ITM2B: variants seen among roughly 807,000 people sequenced by gnomAD.
The protein encoded by ITM2B is integral membrane protein 2B, also known as ABri/ADan amyloid peptide.
In ITM2B, 11 loss-of-function variants were observed where a neutral mutation model predicts 27.8. The observed-to-expected ratio is 0.40, with a 90% CI of 0.25 to 0.66. The LOEUF is 0.66. Ranked by LOEUF, ITM2B falls within the 30% of genes least tolerant of loss-of-function variation. The pLI, the probability that ITM2B is intolerant of heterozygous loss-of-function variation, is 0.43. For missense variants in ITM2B, 296 were observed against 328.9 expected (o/e 0.90, Z 0.77); for synonymous variants, 114 against 114.3 (o/e 1.00, Z 0.02).
chr13:48,253,848 G>A lies in ITM2B; in HGVS notation c.158G>A (p.Trp53Ter). 1 of 1,613,732 alleles carries A rather than the reference G, an allele frequency of 6.2e-7. No homozygotes were observed. The highest frequency in any genetic ancestry group is 8.5e-7 in the Non-Finnish European group (1 of 1,179,652). Residue 53 changes from tryptophan to a stop codon, truncating the protein, a stop_gained, in exon 2 of 6, where the codon TGG (tryptophan) becomes TAG (stop). Coordinates refer to ENST00000647800, the MANE Select transcript of ITM2B (RefSeq NM_021999.5). LOFTEE classifies it high-confidence loss of function. ...DVVPVGQRRA[W>*]CWCMCFGLAF... ...GTACCAGTTGGCCAAAGAAGAGCCT[G>A]GTGTTGGTGCATGTGCTTTGGACTA...
chr13:48,251,294 A>G (rs1156674523), intron 1 of ITM2B, among the ~76,000 whole-genome samples: 3 of 152,184 alleles, frequency 2.0e-5, no homozygotes, highest in African/African-American at 7.2e-5. Flanking sequence ...TGAGGTAATG[A>G]GTATTTGTCC....
In ITM2B at chr13:48,267,355, T is replaced by C. The variant is rs1413848533; in HGVS notation, c.*6131T>C. The C allele has an allele frequency of 6.6e-6, 1 of 152,206 alleles. No homozygotes were observed. The highest frequency in any genetic ancestry group is 6.6e-5 in the Admixed American group (1 of 15,256). 9.4% of individuals were successfully genotyped at this position (152,206 alleles called of 1,614,324 possible). A position where few individuals can be genotyped will look rare whatever the true frequency, so the allele number is the denominator to read the frequency against. On this transcript the variant is annotated 3_prime_UTR_variant, in exon 6 of 6. Coordinates refer to ENST00000647800, the MANE Select transcript of ITM2B (RefSeq NM_021999.5). ...TAATCAACTCCAGGGAACATTACAC[T>C]TTATTTAACCCCTAATTATCTGATA...
chr13:48,261,059 AAAT>A, intron 5 of ITM2B, 77 bp from the exon 6 acceptor site: 1 of 940,416 alleles, frequency 1.1e-6, no homozygotes, highest in Non-Finnish European at 1.7e-6. Context: ...CTATATGTCT[AAAT>A]AATAACTATA....
At chr13:48,250,428 G>A (rs959718333) in intron 1 of ITM2B, among the ~76,000 whole-genome samples, 14 of 152,012 alleles carry the variant, frequency 9.2e-5, no homozygotes, top group Non-Finnish European at 1.5e-5. Flanking sequence ...GACCATCCTG[G>A]CTACACGGTG....
At chr13:48,235,067 T>C (rs1409688675) in intron 1 of ITM2B, among the ~76,000 whole-genome samples, 1 of 152,092 alleles carries the variant, frequency 6.6e-6, no homozygotes, top group Non-Finnish European at 1.5e-5. Flanking sequence ...ATATAACTGC[T>C]CCCATTTAGA....
intron 1 of ITM2B, among the ~76,000 whole-genome samples, chr13:48,251,322 G>A (rs1033632090): frequency 1.3e-5 from 2 of 152,142 alleles, no homozygotes; most frequent in African/African-American, 4.8e-5. Context: ...TTCCACTAAA[G>A]TATTTTCTCC....
chr13:48,256,449 A>C (rs923341920), intron 3 of ITM2B, 66 bp downstream of exon 3: 2 of 1,203,310 alleles, frequency 1.7e-6, no homozygotes, highest in Non-Finnish European at 2.4e-6. Context: ...TTGTAGTTTT[A>C]ATTTCAATAT....
rs1228020542 is a variant in ITM2B at position 48,268,698 on chromosome 13, G to T, written c.*7474G>T. The T allele has an allele frequency of 6.6e-6, 1 of 152,134 alleles. No homozygotes were observed. Among genetic ancestry groups the T allele is most frequent in the Non-Finnish European group, 1.5e-5 (1 of 68,024 alleles). 9.4% of individuals were successfully genotyped at this position (152,134 alleles called of 1,614,324 possible). The stretch of plus-strand genomic sequence containing the variant: ...TTCCAAGTTGGGAAGTATGAATAAA[G>T]TTGCTATGAACATGCATGTACAAGT... On this transcript the variant is annotated 3_prime_UTR_variant, in exon 6 of 6. Transcript: ENST00000647800.
At chr13:48,251,054 G>A (rs950916475) in intron 1 of ITM2B, among the ~76,000 whole-genome samples, 5 of 152,336 alleles carry the variant, frequency 3.3e-5, no homozygotes, top group Admixed American at 3.3e-4. Context: ...ATTCAATAGT[G>A]CTGAGAAGTG....
At chr13:48,236,810 TTA>T (rs1284907406) in intron 1 of ITM2B, among the ~76,000 whole-genome samples, 5 of 152,220 alleles carry the variant, frequency 3.3e-5, no homozygotes, top group African/African-American at 1.2e-4. Context: ...ACAGAATAGC[TTA>T]AGCTTGCTTC....
At chr13:48,252,443 G>A (rs1191132771) in intron 1 of ITM2B, among the ~76,000 whole-genome samples, 3 of 152,124 alleles carry the variant, frequency 2.0e-5, no homozygotes, top group East Asian at 1.9e-4. Flanking sequence ...TCTTAGGAGC[G>A]CAAACCCTAT....
At chr13:48,259,490 A>G (rs1951809688) in intron 5 of ITM2B, among the ~76,000 whole-genome samples, 1 of 152,112 alleles carries the variant, frequency 6.6e-6, no homozygotes, top group Non-Finnish European at 1.5e-5. Flanking sequence ...GTATCTCCCC[A>G]TTTCCTTTTA....
intron 2 of ITM2B, among the ~76,000 whole-genome samples, chr13:48,255,516 A>G (rs559666989): frequency 9.6e-4 from 146 of 152,014 alleles, no homozygotes; most frequent in African/African-American, 3.3e-3. Flanking sequence ...GCTGGTCTTG[A>G]ACTCCTGGGC....
intron 1 of ITM2B, among the ~76,000 whole-genome samples, chr13:48,238,366 A>T (rs1241103566): frequency 6.6e-6 from 1 of 152,090 alleles, no homozygotes; most frequent in South Asian, 2.1e-4. Flanking sequence ...AGAGGAAAAA[A>T]CTTTTTGCAG....
At chr13:48,250,073 T>C (rs1385451431) in intron 1 of ITM2B, among the ~76,000 whole-genome samples, 1 of 152,256 alleles carries the variant, frequency 6.6e-6, no homozygotes, top group Non-Finnish European at 1.5e-5. Context: ...TGTTAATTCT[T>C]GACTATAAAT....
At chr13:48,242,933 A>T (rs9316368) in intron 1 of ITM2B, among the ~76,000 whole-genome samples, 4,922 of 152,190 alleles carry the variant, frequency 0.032, 262 homozygotes, top group African/African-American at 0.11. Flanking sequence ...TTTCAGGAGG[A>T]AGTAAACAAA....
chr13:48,256,475 AT>A, intron 3 of ITM2B, 92 bp downstream of exon 3: 1 of 1,032,488 alleles, frequency 9.7e-7, no homozygotes, highest in Non-Finnish European at 1.5e-6. Flanking sequence ...AATTTATTAT[AT>A]TTAGAGTTTA....
chr13:48,259,657 C>T (rs149274079), intron 5 of ITM2B, among the ~76,000 whole-genome samples: 50 of 150,840 alleles, frequency 3.3e-4, no homozygotes, highest in African/African-American at 1.2e-3. Context: ...ACTGTTCTCT[C>T]ATCTCCGGCG....
At position 48,267,546 on chromosome 13, in the gene ITM2B, T is replaced by C. The variant is rs1951859958; in HGVS notation, c.*6322T>C. On this transcript the variant is annotated 3_prime_UTR_variant, in exon 6 of 6. Transcript: ENST00000647800. ...CCTTTAGCTCCCCATAGAAATGTCT[T>C]TGTATAACCATGGCATGATATTATT... 1 of 152,220 alleles carries C rather than the reference T, an allele frequency of 6.6e-6. No individual in the cohort carries two copies. The highest frequency in any genetic ancestry group is 1.5e-5 in the Non-Finnish European group (1 of 68,042). The allele number at this position is 152,220 out of a possible 1,614,324, so 9.4% of individuals were successfully genotyped here.
Sources: allele counts gnomAD v4.1 joint callset (sites outside exome capture counted in the v4.1 genomes callset), GRCh38; gene constraint gnomAD v4.1.1; transcripts MANE v1.5; gene names NCBI Gene and HGNC (gene_info 2026-07-23, HGNC 2026-07-21).